The following TSPAN9 variants were observed in gnomAD, a reference collection of about 807,000 sequenced individuals.
TSPAN9 encodes tetraspanin 9.
In TSPAN9, 16 loss-of-function variants were observed where a neutral mutation model predicts 31.0. That is an observed-to-expected ratio of 0.52 (90% CI 0.35 to 0.78). The LOEUF (loss-of-function observed/expected upper bound fraction) is 0.78. Ranked by LOEUF, TSPAN9 falls within the 30% of genes least tolerant of loss-of-function variation. The probability of loss-of-function intolerance (pLI) is 0.01; values close to 1 mark genes in which losing one functional copy is unlikely to be tolerated. For synonymous variants in TSPAN9, 145 were observed against 121.6 expected (o/e 1.19, Z -1.27); for missense variants, 272 against 312.5 (o/e 0.87, Z 0.98).
rs1301308960 is a variant in TSPAN9, at chr12:3,192,793, C to G, written c.-17-8384C>G. Among the ~76,000 whole-genome samples, 1 of 152,096 alleles carries G rather than the reference C, an allele frequency of 6.6e-6. No homozygotes were observed. The highest frequency in any genetic ancestry group is 1.5e-5 in the Non-Finnish European group (1 of 67,994). On this transcript the variant is annotated intron_variant, in intron 2 of 8. Transcript: ENST00000011898. This position sits in a 1 kb window ranked among gnomAD's most constrained non-coding sequence, Gnocchi z 4.6. ...AGAGGGCTCAGAGCTGAGGGCCTCC[C>G]TGAGGAGGAGGAGGAGGGCAGCCAG... is the stretch of plus-strand genomic sequence containing the variant.
In TSPAN9 at chr12:3,280,962, G is replaced by T. The variant is rs899123495; in HGVS notation, c.433-236G>T. ...CTGAGCCAAGGGGCCCAGCCCGAGG[G>T]GTGGGCTGCATTGCCCTCTCCCGCT... is the stretch of plus-strand genomic sequence containing the variant. On this transcript the variant is annotated intron_variant, in intron 6 of 8. Transcript: ENST00000011898. This position sits in a 1 kb window ranked among gnomAD's most constrained non-coding sequence, Gnocchi z 4.5. Among the ~76,000 whole-genome samples, 11 of 152,172 alleles carry T rather than the reference G, an allele frequency of 7.2e-5. No individual in the cohort carries two copies. The highest frequency in any genetic ancestry group is 1.2e-4 in the Non-Finnish European group (8 of 68,014).
At chr12:3,281,647 G>A in intron 7 of TSPAN9, 87 bp from the exon 8 acceptor site, 1 of 1,447,320 alleles carries the variant, frequency 6.9e-7, no homozygotes, top group East Asian at 2.3e-5. Flanking sequence ...GCGAGGACGA[G>A]GTGGAAGGAG....
At chr12:3,219,219 T>C (rs1249786884) in intron 3 of TSPAN9, among the ~76,000 whole-genome samples, 1 of 152,212 alleles carries the variant, frequency 6.6e-6, no homozygotes. Flanking sequence ...GCAAGAATGT[T>C]CGACCTCTCT....
intron 2 of TSPAN9, among the ~76,000 whole-genome samples, chr12:3,135,944 C>T (rs942506363): frequency 1.1e-4 from 17 of 152,168 alleles, no homozygotes; most frequent in African/African-American, 3.1e-4. Context: ...ATCTTTGCCA[C>T]GTGTGCTGGC....
chr12:3,260,988 G>A lies in TSPAN9; in HGVS notation c.64-17433G>A, dbSNP rs532016475. On this transcript the variant is annotated intron_variant, in intron 3 of 8. Transcript: ENST00000011898. ...TCCCTTGGGTTGTAGGAGCCCTCTC[G>A]GGTCTGGAAGGTGTGATGTGCTCTG... is the stretch of plus-strand genomic sequence containing the variant. 7.2e-5 allele frequency among the ~76,000 whole-genome samples: 11 copies of A among 152,314 alleles called. No homozygotes were observed. The South Asian group carries it at 8.3e-4, about 11-fold the overall frequency.
At chr12:3,275,830 C>A (rs936138521) in intron 3 of TSPAN9, among the ~76,000 whole-genome samples, 1 of 152,182 alleles carries the variant, frequency 6.6e-6, no homozygotes, top group Non-Finnish European at 1.5e-5. Flanking sequence ...ATCATTCGGA[C>A]CCCCCTGCAG....
intron 3 of TSPAN9, among the ~76,000 whole-genome samples, chr12:3,219,342 G>A (rs1004799705): frequency 1.2e-4 from 19 of 152,194 alleles, no homozygotes; most frequent in Admixed American, 5.2e-4. Context: ...AAGGAAGGGT[G>A]GCCACTGCCT....
intron 2 of TSPAN9, among the ~76,000 whole-genome samples, chr12:3,096,009 G>A (rs1355713566): frequency 6.8e-6 from 1 of 147,436 alleles, no homozygotes; most frequent in East Asian, 2.0e-4. Context: ...CTCGGGCCCC[G>A]CGGGGCCTGT....
At chr12:3,258,584 A>G (rs781313745) in intron 3 of TSPAN9, among the ~76,000 whole-genome samples, 1 of 149,998 alleles carries the variant, frequency 6.7e-6, no homozygotes, top group Admixed American at 6.6e-5. Flanking sequence ...ATGTCAGGCA[A>G]TCTTGTGGAC....
intron 2 of TSPAN9, among the ~76,000 whole-genome samples, chr12:3,089,088 C>T (rs898921551): frequency 1.3e-5 from 2 of 151,440 alleles, no homozygotes; most frequent in East Asian, 2.0e-4. Flanking sequence ...AAAAATTAGC[C>T]GGGCGTGGTG....
chr12:3,094,270 G>A (rs978216636), intron 2 of TSPAN9, among the ~76,000 whole-genome samples: 1 of 152,042 alleles, frequency 6.6e-6, no homozygotes, highest in African/African-American at 2.4e-5. Flanking sequence ...TAAGAGGTAG[G>A]GTCAAGCCAC....
At chr12:3,276,111 C>T (rs2153980541) in intron 3 of TSPAN9, among the ~76,000 whole-genome samples, 1 of 152,270 alleles carries the variant, frequency 6.6e-6, no homozygotes, top group East Asian at 1.9e-4. Flanking sequence ...TAGGGATGCC[C>T]ACGGGAAGGT....
At chr12:3,120,285 C>G (rs1440383787) in intron 2 of TSPAN9, among the ~76,000 whole-genome samples, 1 of 152,122 alleles carries the variant, frequency 6.6e-6, no homozygotes, top group Non-Finnish European at 1.5e-5. Context: ...CAGGACACAA[C>G]CTTGGCGTGC....
intron 3 of TSPAN9, among the ~76,000 whole-genome samples, chr12:3,209,971 AAAAAAAAAAAAAAAATT>A (rs2098377587): frequency 1.3e-5 from 1 of 75,778 alleles, no homozygotes; most frequent in South Asian, 4.7e-4. Context: ...AAAAAAAAAA[AAAAAAAAAAAAAAAATT>A]AGCCGGGTGT....
At chr12:3,251,454 C>T (rs1369136961) in intron 3 of TSPAN9, among the ~76,000 whole-genome samples, 1 of 149,076 alleles carries the variant, frequency 6.7e-6, no homozygotes, top group Non-Finnish European at 1.5e-5. Context: ...GTTCTTTTTT[C>T]AAAAGTTCTT....
At position 3,168,134 on chromosome 12, in the gene TSPAN9, G is replaced by A. The variant is rs952980154; in HGVS notation, c.-17-33043G>A. On this transcript the variant is annotated intron_variant, in intron 2 of 8. Transcript: ENST00000011898. The surrounding 1 kb of genome is among the most constrained non-coding windows in gnomAD (Gnocchi z 4.0). The stretch of plus-strand genomic sequence containing the variant: ...CCAGGCCGGGGGAGACCACACCACC[G>A]TTCCACCGTTTAGCTCAGTGCCCTG... Among the ~76,000 whole-genome samples, 5 of 152,290 alleles carry A rather than the reference G, an allele frequency of 3.3e-5. No individual in the cohort carries two copies. The highest frequency in any genetic ancestry group is 1.9e-4 in the East Asian group (1 of 5,186).
intron 2 of TSPAN9, among the ~76,000 whole-genome samples, chr12:3,160,305 T>A (rs1005409063): frequency 1.3e-5 from 2 of 152,272 alleles, no homozygotes; most frequent in Admixed American, 6.5e-5. Flanking sequence ...GCAATAATAT[T>A]TCATTCCATG....
intron 3 of TSPAN9, among the ~76,000 whole-genome samples, chr12:3,260,792 G>GT (rs1363889182): frequency 1.8e-4 from 28 of 152,216 alleles, no homozygotes; most frequent in Non-Finnish European, 3.5e-4. Flanking sequence ...GTGGTGGAGG[G>GT]TGGAGGGAAG....
chr12:3,127,098 A>C (rs148595282), intron 2 of TSPAN9, among the ~76,000 whole-genome samples: 188 of 151,502 alleles, frequency 1.2e-3, no homozygotes, highest in African/African-American at 4.3e-3. Flanking sequence ...TAAATTTATA[A>C]ATTTATATAA....
Sources: gnomAD v4.1 joint callset for allele counts (sites outside exome capture counted in the v4.1 genomes callset) on GRCh38, gnomAD v4.1.1 for gene constraint, Gnocchi (gnomAD v3.1) non-coding constraint, MANE v1.5 for transcripts, NCBI Gene and HGNC (gene_info 2026-07-23, HGNC 2026-07-21) for gene names.